The following LYRM4 variants were observed in gnomAD, a reference collection of about 807,000 sequenced individuals.
LYRM4 encodes LYR motif containing 4.
In LYRM4, 9 loss-of-function variants were observed where a neutral mutation model predicts 11.7. The ratio of observed to expected loss-of-function variants is 0.77; its 90% CI spans 0.46 to 1.34. The LOEUF is 1.34. Ranked by LOEUF, LYRM4 falls within the 40% of genes most tolerant of loss-of-function variation. The pLI, the probability that LYRM4 is intolerant of heterozygous loss-of-function variation, is 0.00. For synonymous variants in LYRM4, 42 were observed against 40.4 expected (o/e 1.04, Z -0.15); for missense variants, 133 against 112.5 (o/e 1.18, Z -0.82).
At chr6:5,112,128 C>T (rs1250384294) in intron 2 of LYRM4, among the ~76,000 whole-genome samples, 4 of 152,158 alleles carry the variant, frequency 2.6e-5, no homozygotes, top group Admixed American at 6.5e-5. Flanking sequence ...TCTGTCCACC[C>T]GTTCGCTGCC....
At chr6:5,124,549 C>T (rs1763615723) in intron 2 of LYRM4, among the ~76,000 whole-genome samples, 1 of 152,212 alleles carries the variant, frequency 6.6e-6, no homozygotes, top group South Asian at 2.1e-4. Context: ...ATTCATCCCT[C>T]ATGGGTGGAT....
intron 1 of LYRM4, among the ~76,000 whole-genome samples, chr6:5,240,962 C>G (rs916372621): frequency 6.6e-6 from 1 of 152,176 alleles, no homozygotes; most frequent in African/African-American, 2.4e-5. Context: ...CCTGCCTGAA[C>G]CAACGTGGAA....
chr6:5,228,601 A>G (rs1763037568), intron 1 of LYRM4, among the ~76,000 whole-genome samples: 1 of 152,188 alleles, frequency 6.6e-6, no homozygotes. Flanking sequence ...TAAAATAATG[A>G]AAAAGATAAT....
intron 2 of LYRM4, among the ~76,000 whole-genome samples, chr6:5,140,778 AT>A (rs1757362985): frequency 6.6e-6 from 1 of 152,242 alleles, no homozygotes; most frequent in Admixed American, 6.5e-5. Flanking sequence ...TGTTACGTAT[AT>A]TTTGCCACTA....
chr6:5,220,693 C>T (rs2127728742), intron 1 of LYRM4, among the ~76,000 whole-genome samples: 1 of 152,326 alleles, frequency 6.6e-6, no homozygotes, highest in East Asian at 1.9e-4. Context: ...CACCCTTATG[C>T]ATCTTTGAGG....
the LYRM4 span, among the ~76,000 whole-genome samples, chr6:5,080,272 C>T: frequency 2.0e-5 from 3 of 152,224 alleles, no homozygotes; most frequent in Admixed American, 6.5e-5. Context: ...AAACCCTTTA[C>T]ATGCCTTGTT....
chr6:5,227,258 T>C (rs1228442642), intron 1 of LYRM4, among the ~76,000 whole-genome samples: 1 of 152,194 alleles, frequency 6.6e-6, no homozygotes, highest in East Asian at 1.9e-4. Flanking sequence ...CTTGTTCCGA[T>C]GAAAGCCATA....
At chr6:5,242,008 T>A (rs1489727675) in intron 1 of LYRM4, among the ~76,000 whole-genome samples, 2 of 152,054 alleles carry the variant, frequency 1.3e-5, no homozygotes, top group Non-Finnish European at 2.9e-5. Context: ...AATCTGTAAG[T>A]GCTTTACAGA....
At chr6:5,095,177 C>T in the LYRM4 span, among the ~76,000 whole-genome samples, 7 of 152,066 alleles carry the variant, frequency 4.6e-5, no homozygotes, top group Non-Finnish European at 7.4e-5. Context: ...TGCTCACAAT[C>T]GGGGAGAGGG....
chr6:5,259,299 C>A (rs992001170), intron 1 of LYRM4, among the ~76,000 whole-genome samples: 4 of 152,304 alleles, frequency 2.6e-5, no homozygotes, highest in Middle Eastern at 6.8e-3. Context: ...CCTCAACAGA[C>A]TTGGTTAAGT....
In LYRM4 at chr6:5,188,207, A is replaced by C. The variant is rs1262132770; in HGVS notation, c.207+28411T>G. Among the ~76,000 whole-genome samples the C allele has an allele frequency of 2.0e-5, 3 of 152,152 alleles. No individual in the cohort carries two copies. The East Asian group carries it at 5.8e-4, about 29-fold the overall frequency. On this transcript the variant is annotated intron_variant, in intron 2 of 2. Coordinates refer to ENST00000330636, the MANE Select transcript of LYRM4 (RefSeq NM_020408.6). ...TCTACCAAAAACAAACAAATGAACA[A>C]AGAAACAAACAAAAATTAGCTGGGA...
At chr6:5,091,740 T>A in the LYRM4 span, among the ~76,000 whole-genome samples, 1 of 152,098 alleles carries the variant, frequency 6.6e-6, no homozygotes, top group Non-Finnish European at 1.5e-5. Context: ...ATCAATGGAG[T>A]AGTAAAAGGC....
chr6:5,079,116 T>C, the LYRM4 span, among the ~76,000 whole-genome samples: 3 of 152,114 alleles, frequency 2.0e-5, no homozygotes, highest in Non-Finnish European at 4.4e-5. Flanking sequence ...CACAAAACCC[T>C]TCCTATGTAA....
chr6:5,056,506 A>G, the LYRM4 span, among the ~76,000 whole-genome samples: 1 of 152,202 alleles, frequency 6.6e-6, no homozygotes, highest in African/African-American at 2.4e-5. Context: ...TTACCTATGC[A>G]TAGTCTTGTA....
chr6:5,165,468 A>T (rs979500719), intron 2 of LYRM4, among the ~76,000 whole-genome samples: 8 of 152,130 alleles, frequency 5.3e-5, no homozygotes, highest in African/African-American at 1.9e-4. Flanking sequence ...ATTCCAGGAG[A>T]TTCATTTTTA....
intron 1 of LYRM4, among the ~76,000 whole-genome samples, chr6:5,253,018 T>C (rs1764505451): frequency 6.6e-6 from 1 of 152,224 alleles, no homozygotes; most frequent in African/African-American, 2.4e-5. Context: ...CCAGCTCCTT[T>C]CTATGGCCTT....
At chr6:5,241,373 T>A (rs1159924522) in intron 1 of LYRM4, among the ~76,000 whole-genome samples, 1 of 152,198 alleles carries the variant, frequency 6.6e-6, no homozygotes, top group East Asian at 1.9e-4. Flanking sequence ...TACCAAATAA[T>A]AAGGGATTTG....
At chr6:5,145,666 C>T (rs1401178279) in intron 2 of LYRM4, among the ~76,000 whole-genome samples, 2 of 152,174 alleles carry the variant, frequency 1.3e-5, no homozygotes, top group Non-Finnish European at 2.9e-5. Context: ...AAAATCATTT[C>T]CTATTTTCGA....
At chr6:5,182,799 A>C (rs1160881659) in intron 2 of LYRM4, among the ~76,000 whole-genome samples, 1 of 152,202 alleles carries the variant, frequency 6.6e-6, no homozygotes, top group Non-Finnish European at 1.5e-5. Context: ...AGTTAAATCT[A>C]ATTTTGCTTG....
Sources: gnomAD v4.1 joint callset for allele counts (sites outside exome capture counted in the v4.1 genomes callset) on GRCh38, gnomAD v4.1.1 for gene constraint, MANE v1.5 for transcripts, NCBI Gene and HGNC (gene_info 2026-07-23, HGNC 2026-07-21) for gene names.